Variants in FOXN3 observed in about 807,000 individuals in gnomAD.
FOXN3 encodes forkhead box N3, also known as forkhead box protein N3.
A neutral mutation model predicts 38.4 loss-of-function variants in FOXN3; 7 were observed. That is an observed-to-expected ratio of 0.18 (90% confidence interval 0.10 to 0.34). The LOEUF is 0.34. FOXN3 is among the 10% of genes least tolerant of loss of function. The pLI is 1.00. For missense variants in FOXN3, 456 were observed against 613.4 expected, an observed-to-expected ratio of 0.74 and a Z score of 2.71; for synonymous variants, 230 against 242.2, an observed-to-expected ratio of 0.95 and a Z score of 0.47.
chr14:89,583,171 C>T lies in FOXN3; in HGVS notation c.-15+35857G>A, dbSNP rs114256932. On this transcript the variant is annotated intron_variant, in intron 1 of 6. Coordinates refer to the FOXN3 transcript ENST00000345097. ...ATGAGTAGATCATATGGTAGATATA[C>T]GTTTACCTTTTTAAGAAATTGCTTA... is the stretch of plus-strand genomic sequence containing the variant. Among the ~76,000 whole-genome samples, 1,279 of 152,282 alleles carry T rather than the reference C, an allele frequency of 8.4e-3. 23 individuals are homozygous for T. The highest frequency in any genetic ancestry group is 0.028 in the African/African-American group (1,183 of 41,546).
Position 89,395,524 on chromosome 14 carries a change from T to G in FOXN3, c.543+16410A>C, listed in dbSNP as rs1221648828. Among the ~76,000 whole-genome samples the G allele has an allele frequency of 2.0e-5, 3 of 152,128 alleles. No homozygotes were observed. The East Asian group carries it at 5.8e-4, about 29-fold the overall frequency. On this transcript the variant is annotated intron_variant, in intron 2 of 5. Transcript: ENST00000557258. ...TGCCCAGCACAGCATCTCATATGCC[T>G]GACATACACGAAGGTGTACAATGAC...
At chr14:89,215,347 A>ATTTT (rs10640376) in intron 4 of FOXN3, among the ~76,000 whole-genome samples, 2 of 148,846 alleles carry the variant, frequency 1.3e-5, no homozygotes, top group African/African-American at 4.9e-5. Flanking sequence ...GAGAATAGAG[A>ATTTT]TTTTTTTTTT....
At chr14:89,433,218 T>A (rs758365872) in intron 1 of FOXN3, among the ~76,000 whole-genome samples, 2 of 152,000 alleles carry the variant, frequency 1.3e-5, no homozygotes, top group East Asian at 2.0e-4. Flanking sequence ...GCACGGTGGC[T>A]CACACCTGTA....
At position 89,330,559 on chromosome 14, in the gene FOXN3, AG is replaced by A. The variant is rs536891366; in HGVS notation, c.680+20112del. ...GAGCCTGGAGGTCTTGCAAAGAAAG[AG>A]GGAAGAGTAAAGAGAGAAAAGGCTA... is the stretch of plus-strand genomic sequence containing the variant. On this transcript the variant is annotated intron_variant, in intron 3 of 5. Coordinates refer to ENST00000557258, the MANE Select transcript of FOXN3 (RefSeq NM_005197.4). Among the ~76,000 whole-genome samples the A allele has an allele frequency of 4.6e-5, 7 of 152,326 alleles. No homozygotes were observed. The East Asian group carries it at 1.3e-3, about 29-fold the overall frequency.
At chr14:89,314,204 T>C (rs982859271) in intron 3 of FOXN3, among the ~76,000 whole-genome samples, 3 of 152,230 alleles carry the variant, frequency 2.0e-5, no homozygotes, top group Non-Finnish European at 4.4e-5. Context: ...TTTTATTCAG[T>C]TCTTTAAACT....
At chr14:89,295,130 T>C (rs1886996390) in intron 3 of FOXN3, among the ~76,000 whole-genome samples, 2 of 152,140 alleles carry the variant, frequency 1.3e-5, no homozygotes, top group Non-Finnish European at 2.9e-5. Context: ...CCCAGGAGGC[T>C]TTTTGGGCCC....
chr14:89,325,274 A>C (rs868172406), intron 3 of FOXN3, among the ~76,000 whole-genome samples: 63 of 55,026 alleles, frequency 1.1e-3, no homozygotes, highest in African/African-American at 2.5e-3. Flanking sequence ...ACCATCACCA[A>C]CACCAACACC....
intron 1 of FOXN3, among the ~76,000 whole-genome samples, chr14:89,486,268 T>C (rs889188254): frequency 3.3e-5 from 5 of 152,262 alleles, no homozygotes; most frequent in South Asian, 4.1e-4. Context: ...CTAATTTCTA[T>C]GTGAAAATTC....
intron 4 of FOXN3, among the ~76,000 whole-genome samples, chr14:89,265,029 T>G (rs1302971384): frequency 6.6e-6 from 1 of 152,176 alleles, no homozygotes; most frequent in Non-Finnish European, 1.5e-5. Context: ...ACCAAATTAT[T>G]ATTTGGATTT....
At chr14:89,398,509 A>T (rs1177260795) in intron 2 of FOXN3, among the ~76,000 whole-genome samples, 1 of 152,122 alleles carries the variant, frequency 6.6e-6, no homozygotes, top group Admixed American at 6.6e-5. Flanking sequence ...GCCAGCCCCC[A>T]ATTTATAAAC....
chr14:89,399,716 C>A (rs185347640), intron 2 of FOXN3, among the ~76,000 whole-genome samples: 1 of 152,158 alleles, frequency 6.6e-6, no homozygotes, highest in Admixed American at 6.5e-5. Context: ...GGAGGGGCTG[C>A]GATCTCTTTT....
At chr14:89,293,476 C>T (rs141570163) in intron 3 of FOXN3, among the ~76,000 whole-genome samples, 1 of 152,286 alleles carries the variant, frequency 6.6e-6, no homozygotes, top group East Asian at 1.9e-4. Flanking sequence ...GCCTCCCTCG[C>T]AGCTGCTGGT....
At chr14:89,524,485 T>TAAAACA (rs1894396910) in intron 1 of FOXN3, among the ~76,000 whole-genome samples, 1 of 110,834 alleles carries the variant, frequency 9.0e-6, no homozygotes, top group Non-Finnish European at 2.0e-5. Context: ...GAAATAAATA[T>TAAAACA]AAAACAAACA....
chr14:89,604,372 G>A (rs1896227107), intron 1 of FOXN3, among the ~76,000 whole-genome samples: 1 of 152,006 alleles, frequency 6.6e-6, no homozygotes, highest in African/African-American at 2.4e-5. Flanking sequence ...TTTAAAATTA[G>A]ACACAAAACA....
In FOXN3 at chr14:89,412,598, C is replaced by G; in HGVS notation, c.-14-108G>C. On this transcript the variant is annotated intron_variant, in intron 1 of 5. Coordinates refer to ENST00000557258, the MANE Select transcript of FOXN3 (RefSeq NM_005197.4). This position sits in a 1 kb window ranked among gnomAD's most constrained non-coding sequence, Gnocchi z 4.7. ...TCCCTCTGCCGCCTCTATGGAACCC[C>G]TGCTACACAGGAACACCACCTTGTG... 3.6e-6 allele frequency: 3 copies of G among 830,478 alleles called. No homozygotes were observed. Among genetic ancestry groups the G allele is most frequent in the Non-Finnish European group, 5.5e-6 (3 of 545,416 alleles). 51.4% of individuals were successfully genotyped at this position (830,478 alleles called of 1,614,324 possible).
At chr14:89,209,334 A>G (rs1888462464) in intron 4 of FOXN3, among the ~76,000 whole-genome samples, 1 of 152,226 alleles carries the variant, frequency 6.6e-6, no homozygotes, top group Non-Finnish European at 1.5e-5. Flanking sequence ...AATAACCCTG[A>G]CGAATGGCCA....
At chr14:89,323,549 T>C (rs1182700546) in intron 3 of FOXN3, among the ~76,000 whole-genome samples, 1 of 151,502 alleles carries the variant, frequency 6.6e-6, no homozygotes, top group African/African-American at 2.4e-5. Context: ...TGAAACCCCG[T>C]CTCTACTAAA....
chr14:89,524,396 A>AAAAAAAAAAAAAAAAAAAAT (rs1894389985), intron 1 of FOXN3, among the ~76,000 whole-genome samples: 1 of 95,982 alleles, frequency 1.0e-5, no homozygotes, highest in Non-Finnish European at 1.9e-5. Flanking sequence ...AAAAAAAAAA[A>AAAAAAAAAAAAAAAAAAAAT]AAAAAAAGAA....
At chr14:89,260,802 C>T (rs79898902) in intron 4 of FOXN3, among the ~76,000 whole-genome samples, 5 of 152,306 alleles carry the variant, frequency 3.3e-5, no homozygotes, top group Non-Finnish European at 5.9e-5. Context: ...TCTTAACTAA[C>T]CTTTAACATT....
Sources: allele counts gnomAD v4.1 joint callset (sites outside exome capture counted in the v4.1 genomes callset), GRCh38; gene constraint gnomAD v4.1.1; non-coding constraint Gnocchi (gnomAD v3.1); transcripts MANE v1.5; gene names NCBI Gene and HGNC (gene_info 2026-07-23, HGNC 2026-07-21).